RERE: variants seen among roughly 807,000 people sequenced by gnomAD.
RERE encodes the protein arginine-glutamic acid dipeptide repeats, also known as arginine-glutamic acid dipeptide repeats protein.
In RERE, 40 loss-of-function variants were observed where a neutral mutation model predicts 146.1. That is an observed-to-expected ratio of 0.27 (90% confidence interval 0.21 to 0.36). RERE has a LOEUF of 0.36. Among genes scored for constraint, RERE ranks in the 10% least tolerant of loss-of-function variants. The pLI, the probability that RERE is intolerant of heterozygous loss-of-function variation, is 1.00. For synonymous variants in RERE, 1,003 were observed against 866.0 expected, an observed-to-expected ratio of 1.16 and a Z score of -2.78; for missense variants, 1,933 against 2,138.7, an observed-to-expected ratio of 0.90 and a Z score of 1.90.
chr1:8,574,572 C>G (rs1427369767), intron 4 of RERE, among the ~76,000 whole-genome samples: 1 of 152,076 alleles, frequency 6.6e-6, no homozygotes, highest in Non-Finnish European at 1.5e-5. Flanking sequence ...CGGTCTCAAT[C>G]TCCTGACCTC....
At position 8,360,712 on chromosome 1, in the gene RERE, G is replaced by A; in HGVS notation, c.2795C>T (p.Pro932Leu). The A allele has an allele frequency of 6.3e-7, 1 of 1,581,606 alleles. No individual in the cohort carries two copies. Among genetic ancestry groups the A allele is most frequent in the Non-Finnish European group, 8.6e-7 (1 of 1,165,172 alleles). Residue 932 changes from proline (P) to leucine (L), a missense_variant, in exon 18 of 23, where the codon CCT becomes CTT. Around this residue, in one of 11 missense-constraint regions of RERE, gnomAD observed 1,255 missense variants for 1,153.8 expected, o/e 1.09. Transcript: ENST00000400908. The part of the protein sequence containing the change: ...PLAMPHIKPP[P>L]TTPIPQLPAP... ...CGGCAGCTGGGGGATGGGAGTGGTA[G>A]GCGGGGGCTTGATGTGGGGCATGGC... is the stretch of plus-strand genomic sequence containing the variant.
intron 1 of RERE, among the ~76,000 whole-genome samples, chr1:8,681,530 T>C (rs923462526): frequency 9.2e-5 from 14 of 152,202 alleles, no homozygotes; most frequent in Non-Finnish European, 5.9e-5. Flanking sequence ...TATATACTGT[T>C]CTACTTCCCC....
chr1:8,502,251 A>G (rs1645178275), intron 8 of RERE, among the ~76,000 whole-genome samples: 1 of 108,106 alleles, frequency 9.3e-6, no homozygotes, highest in Non-Finnish European at 1.9e-5. Context: ...CCCGTCCGGG[A>G]GGTGAGGGGC....
chr1:8,379,832 T>C (rs1042675406), intron 12 of RERE, among the ~76,000 whole-genome samples: 6 of 152,292 alleles, frequency 3.9e-5, no homozygotes, highest in Admixed American at 1.3e-4. Flanking sequence ...AACACACAAG[T>C]TGAATGCCAG....
At chr1:8,609,928 C>T (rs1347486075) in intron 4 of RERE, among the ~76,000 whole-genome samples, 2 of 152,040 alleles carry the variant, frequency 1.3e-5, no homozygotes, top group African/African-American at 2.4e-5. Flanking sequence ...GCCACCACAC[C>T]CAGATAATTT....
chr1:8,730,635 G>A (rs1454023457), intron 1 of RERE, among the ~76,000 whole-genome samples: 2 of 152,048 alleles, frequency 1.3e-5, no homozygotes, highest in East Asian at 1.9e-4. Context: ...GAGCCACTAC[G>A]CCCAGTCTGG....
At chr1:8,362,580 A>G in intron 16 of RERE, 103 bp downstream of exon 16, 1 of 1,427,264 alleles carries the variant, frequency 7.0e-7, no homozygotes, top group East Asian at 2.4e-5. Flanking sequence ...TCCATGAATG[A>G]GCTGCATCCT....
At chr1:8,783,475 C>T (rs1641203825) in intron 1 of RERE, among the ~76,000 whole-genome samples, 1 of 152,140 alleles carries the variant, frequency 6.6e-6, no homozygotes, top group Non-Finnish European at 1.5e-5. Context: ...GATAGCCTCC[C>T]ACCTATCTCA....
intron 7 of RERE, among the ~76,000 whole-genome samples, chr1:8,515,504 G>A (rs369670320): frequency 9.9e-5 from 15 of 151,444 alleles, no homozygotes; most frequent in East Asian, 5.8e-4. Context: ...GGTGGCAGGC[G>A]CCTGTAGTCC....
intron 10 of RERE, among the ~76,000 whole-genome samples, chr1:8,475,116 G>A (rs1369828383): frequency 2.0e-5 from 3 of 152,214 alleles, no homozygotes; most frequent in Non-Finnish European, 4.4e-5. Context: ...GCTTACACCT[G>A]TAATCCCAGA....
intron 10 of RERE, among the ~76,000 whole-genome samples, chr1:8,491,867 A>G (rs967424304): frequency 1.3e-5 from 2 of 152,176 alleles, no homozygotes; most frequent in African/African-American, 4.8e-5. Flanking sequence ...TTTTAAATCT[A>G]TGCTATACTC....
chr1:8,370,164 G>A (rs11580417), intron 12 of RERE, among the ~76,000 whole-genome samples: 22,099 of 151,886 alleles, frequency 0.15, 1,986 homozygotes, highest in South Asian at 0.28. Context: ...AACAAATAAT[G>A]GTATCCCCAC....
intron 4 of RERE, among the ~76,000 whole-genome samples, chr1:8,609,696 A>C (rs1646768050): frequency 6.6e-6 from 1 of 152,222 alleles, no homozygotes; most frequent in Non-Finnish European, 1.5e-5. Context: ...TAACAAACGT[A>C]ATACAATCAG....
chr1:8,395,175 A>G (rs1331174266), intron 12 of RERE, among the ~76,000 whole-genome samples: 5 of 152,156 alleles, frequency 3.3e-5, no homozygotes, highest in Admixed American at 1.3e-4. Flanking sequence ...TAATAATACC[A>G]AAGAATGAGC....
At chr1:8,758,186 A>G (rs1640682866) in intron 1 of RERE, among the ~76,000 whole-genome samples, 1 of 151,942 alleles carries the variant, frequency 6.6e-6, no homozygotes, top group Non-Finnish European at 1.5e-5. Context: ...CCCAGGTTCA[A>G]GCAATTCTCC....
At chr1:8,358,115 C>T in intron 20 of RERE, 81 bp downstream of exon 20, 1 of 1,518,566 alleles carries the variant, frequency 6.6e-7, no homozygotes, top group South Asian at 1.3e-5. Context: ...ACAGTTTCCG[C>T]TCCTGGATGG....
intron 4 of RERE, among the ~76,000 whole-genome samples, chr1:8,559,293 A>C (rs1325332257): frequency 1.4e-5 from 2 of 144,538 alleles, no homozygotes; most frequent in Non-Finnish European, 3.0e-5. Flanking sequence ...AAAAAAAAAA[A>C]AAAAAAAAAA....
intron 8 of RERE, among the ~76,000 whole-genome samples, chr1:8,498,088 T>C (rs570381454): frequency 6.6e-6 from 1 of 152,366 alleles, no homozygotes; most frequent in Non-Finnish European, 1.5e-5. Context: ...AGGCCAGGCC[T>C]GGTGGCTCAC....
intron 1 of RERE, among the ~76,000 whole-genome samples, chr1:8,814,681 GTTTA>G (rs1441035589): frequency 2.0e-5 from 3 of 152,084 alleles, no homozygotes; most frequent in African/African-American, 4.8e-5. Context: ...CATAGAGTAG[GTTTA>G]TTTGATTTTT....
Sources: allele counts gnomAD v4.1 joint callset (sites outside exome capture counted in the v4.1 genomes callset), GRCh38; gene constraint gnomAD v4.1.1; regional missense constraint gnomAD v4.1.1; transcripts MANE v1.5; gene names NCBI Gene and HGNC (gene_info 2026-07-23, HGNC 2026-07-21).